The following AAK1 variants were observed in gnomAD, a reference collection of about 807,000 sequenced individuals.
The protein encoded by AAK1 is AP2-associated protein kinase 1.
A neutral mutation model predicts 116.0 loss-of-function variants in AAK1; 37 were observed. That is an observed-to-expected ratio of 0.32 (90% CI 0.25 to 0.42). The LOEUF (loss-of-function observed/expected upper bound fraction) is 0.42, where lower values mean the gene tolerates loss of function less well. AAK1 is among the 10% of genes least tolerant of loss of function. The pLI is 1.00. For synonymous variants in AAK1, 458 were observed against 439.9 expected (o/e 1.04, Z -0.51); for missense variants, 919 against 1,170.6 (o/e 0.79, Z 3.14).
chr2:69,477,172 A>G (rs1035902040), intron 20 of AAK1, among the ~76,000 whole-genome samples, 182 bp from the exon 21 acceptor site: 5 of 149,166 alleles, frequency 3.4e-5, no homozygotes, highest in African/African-American at 1.2e-4. Context: ...ATATAGAAAA[A>G]AATGCTTTAG....
chr2:69,502,278 G>A (rs1676006735), intron 16 of AAK1, among the ~76,000 whole-genome samples: 1 of 151,972 alleles, frequency 6.6e-6, no homozygotes, highest in Admixed American at 6.6e-5. Flanking sequence ...AATCTAAAAG[G>A]CAAAGGACAC....
At chr2:69,595,779 T>C (rs2105181235) in intron 2 of AAK1, among the ~76,000 whole-genome samples, 1 of 152,348 alleles carries the variant, frequency 6.6e-6, no homozygotes, top group South Asian at 2.1e-4. Flanking sequence ...AGCCTTATAT[T>C]GGAAGAAGAT....
At chr2:69,530,750 T>C (rs761008700) in intron 6 of AAK1, 44 bp from the exon 7 acceptor site, 1 of 1,455,504 alleles carries the variant, frequency 6.9e-7, no homozygotes, top group South Asian at 1.2e-5. Context: ...GTCAATACTA[T>C]AATTAAAAAC....
At chr2:69,493,531 G>C (rs1209075214) in intron 17 of AAK1, among the ~76,000 whole-genome samples, 2 of 152,142 alleles carry the variant, frequency 1.3e-5, no homozygotes, top group Non-Finnish European at 2.9e-5. Context: ...GCCACCTAAA[G>C]GCTTCCAGCT....
chr2:69,497,910 C>G (rs11890244), intron 16 of AAK1, among the ~76,000 whole-genome samples: 20 of 152,204 alleles, frequency 1.3e-4, no homozygotes, highest in African/African-American at 4.6e-4. Context: ...TTACGTGGCC[C>G]TATTTGTGCA....
chr2:69,639,105 C>A (rs1040079721), intron 2 of AAK1, among the ~76,000 whole-genome samples: 4 of 152,194 alleles, frequency 2.6e-5, no homozygotes, highest in African/African-American at 9.7e-5. Context: ...TTTGGTACTT[C>A]TCATCAGCCT....
chr2:69,591,265 A>G (rs1245410140), intron 2 of AAK1, among the ~76,000 whole-genome samples: 1 of 152,194 alleles, frequency 6.6e-6, no homozygotes, highest in African/African-American at 2.4e-5. Flanking sequence ...CCCAGGCTCT[A>G]CAGGAGCATG....
At chr2:69,572,982 A>G (rs6761186) in intron 2 of AAK1, among the ~76,000 whole-genome samples, 20,562 of 152,190 alleles carry the variant, frequency 0.14, 3,207 homozygotes, top group African/African-American at 0.36. Flanking sequence ...GCCCTCTTGG[A>G]CAAAGCTGAG....
At chr2:69,559,296 ACACTCTCT>A (rs1443241661) in intron 2 of AAK1, among the ~76,000 whole-genome samples, 3 of 129,060 alleles carry the variant, frequency 2.3e-5, no homozygotes, top group South Asian at 2.5e-4. Context: ...ACACACACAC[ACACTCTCT>A]CTCTCCTCAA....
chr2:69,526,074 G>C (rs1670010413), intron 9 of AAK1, among the ~76,000 whole-genome samples: 2 of 152,232 alleles, frequency 1.3e-5, no homozygotes, highest in East Asian at 1.9e-4. Context: ...TCTCCCAAAG[G>C]AGAAGAGTTG....
intron 2 of AAK1, among the ~76,000 whole-genome samples, chr2:69,623,989 A>C (rs569514393): frequency 1.3e-5 from 2 of 152,298 alleles, no homozygotes; most frequent in East Asian, 3.9e-4. Context: ...AACATAAACA[A>C]AAATTCACCA....
chr2:69,507,679 G>T, intron 14 of AAK1, 101 bp from the exon 15 acceptor site: 11 of 1,184,648 alleles, frequency 9.3e-6, no homozygotes, highest in East Asian at 2.7e-5. Context: ...ATTATTTTCT[G>T]GGTCAAACCA....
At chr2:69,624,358 T>G (rs1161557408) in intron 2 of AAK1, among the ~76,000 whole-genome samples, 1 of 152,194 alleles carries the variant, frequency 6.6e-6, no homozygotes, top group Non-Finnish European at 1.5e-5. Flanking sequence ...AATTGCAACA[T>G]CTCCAAACAA....
intron 2 of AAK1, among the ~76,000 whole-genome samples, chr2:69,581,869 C>T (rs888742367): frequency 6.6e-6 from 1 of 151,970 alleles, no homozygotes; most frequent in African/African-American, 2.4e-5. Flanking sequence ...GTGGTCCTAG[C>T]TACTCAAGAG....
chr2:69,545,845 C>G (rs1002672740), intron 3 of AAK1, among the ~76,000 whole-genome samples: 12 of 152,238 alleles, frequency 7.9e-5, no homozygotes, highest in Admixed American at 7.2e-4. Flanking sequence ...TGAAACTGGA[C>G]TTGCAATGAA....
At chr2:69,609,713 C>G (rs561095789) in intron 2 of AAK1, among the ~76,000 whole-genome samples, 1 of 151,326 alleles carries the variant, frequency 6.6e-6, no homozygotes, top group African/African-American at 2.4e-5. Flanking sequence ...TAAACCCACA[C>G]GAAATCTCAA....
intron 5 of AAK1, among the ~76,000 whole-genome samples, chr2:69,542,039 T>C (rs1670745524): frequency 6.6e-6 from 1 of 152,212 alleles, no homozygotes; most frequent in South Asian, 2.1e-4. Flanking sequence ...GCCCAATACA[T>C]GCTAAGTTGA....
intron 2 of AAK1, among the ~76,000 whole-genome samples, chr2:69,640,101 T>C (rs1675653168): frequency 6.7e-6 from 1 of 148,884 alleles, no homozygotes; most frequent in Non-Finnish European, 1.5e-5. Context: ...TATATACATA[T>C]GATGTATAAC....
rs574490585 is a variant in AAK1 at position 69,493,158 on chromosome 2, C to CAAAAAAAAAAAA, written c.2365+2815_2365+2826dup. On this transcript the variant is annotated intron_variant, in intron 17 of 21. Coordinates refer to ENST00000409085, the MANE Select transcript of AAK1 (RefSeq NM_014911.5). ...TGGGCGACAGAGCGAGACTCCGTCT[C>CAAAAAAAAAAAA]AAAAAAAAAAAAAAAAAAAGGATGC... Among the ~76,000 whole-genome samples, 158 of 37,532 alleles carry CAAAAAAAAAAAA rather than the reference C, an allele frequency of 4.2e-3. 18 individuals carry two copies. Among genetic ancestry groups the CAAAAAAAAAAAA allele is most frequent in the East Asian group, 7.7e-3 (11 of 1,436 alleles). The allele number at this position is 37,532 out of a possible 152,430, so 24.6% of individuals were successfully genotyped here. A position where few individuals can be genotyped will look rare whatever the true frequency, so the allele number is the denominator to read the frequency against.
Sources: allele counts gnomAD v4.1 joint callset (sites outside exome capture counted in the v4.1 genomes callset), GRCh38; gene constraint gnomAD v4.1.1; transcripts MANE v1.5; gene names NCBI Gene and HGNC (gene_info 2026-07-23, HGNC 2026-07-21).